Variants in RPS6KC1 observed in about 807,000 individuals in gnomAD.
RPS6KC1 encodes ribosomal protein S6 kinase C1, also known as inactive ribosomal protein S6 kinase delta-1.
A neutral mutation model predicts 103.8 loss-of-function variants in RPS6KC1; 54 were observed. That is an observed-to-expected ratio of 0.52 (90% CI 0.42 to 0.65). The LOEUF is 0.65. Among genes scored for constraint, RPS6KC1 ranks in the 30% least tolerant of loss-of-function variants. The pLI is 0.00. For missense variants in RPS6KC1, 1,151 were observed against 1,253.8 expected (o/e 0.92, Z 1.24); for synonymous variants, 439 against 438.7 (o/e 1.00, Z -0.01).
intron 3 of RPS6KC1, among the ~76,000 whole-genome samples, chr1:213,086,304 G>T (rs1028166933): frequency 1.3e-5 from 2 of 152,174 alleles, no homozygotes; most frequent in Non-Finnish European, 2.9e-5. Context: ...ACTGCCTGCG[G>T]CTCCTTGCCT....
the RPS6KC1 span, among the ~76,000 whole-genome samples, chr1:213,724,337 C>T: frequency 1.3e-5 from 2 of 152,214 alleles, no homozygotes; most frequent in East Asian, 3.9e-4. Flanking sequence ...GTCTTGGCCT[C>T]CCAAAGTGTT....
the RPS6KC1 span, among the ~76,000 whole-genome samples, chr1:213,411,966 C>G: frequency 6.6e-6 from 1 of 152,170 alleles, no homozygotes; most frequent in Admixed American, 6.5e-5. Context: ...CACAGTGTAT[C>G]ATATTGGCCT....
At chr1:213,173,522 T>A (rs1449523028) in intron 7 of RPS6KC1, among the ~76,000 whole-genome samples, 1 of 152,236 alleles carries the variant, frequency 6.6e-6, no homozygotes, top group Non-Finnish European at 1.5e-5. Flanking sequence ...TATTTTCCTC[T>A]GTTCTCCAAT....
chr1:213,599,740 C>T, the RPS6KC1 span, among the ~76,000 whole-genome samples: 2 of 152,256 alleles, frequency 1.3e-5, no homozygotes, highest in South Asian at 2.1e-4. Flanking sequence ...AATGTGGATT[C>T]GAAGGGCATG....
chr1:213,363,850 A>G, the RPS6KC1 span, among the ~76,000 whole-genome samples: 1 of 111,500 alleles, frequency 9.0e-6, no homozygotes, highest in Non-Finnish European at 1.7e-5. Flanking sequence ...TGGCGTGAGG[A>G]GATTGAGGGA....
chr1:213,659,037 T>C, the RPS6KC1 span, among the ~76,000 whole-genome samples: 5 of 152,080 alleles, frequency 3.3e-5, no homozygotes, highest in Non-Finnish European at 4.4e-5. Flanking sequence ...GGATCTCAGC[T>C]CACCGCAACC....
At chr1:213,536,518 A>C in the RPS6KC1 span, among the ~76,000 whole-genome samples, 1 of 152,214 alleles carries the variant, frequency 6.6e-6, no homozygotes, top group Non-Finnish European at 1.5e-5. Flanking sequence ...CTAGGACAAC[A>C]CCTGGGGTAT....
the RPS6KC1 span, among the ~76,000 whole-genome samples, chr1:213,348,236 A>T: frequency 6.6e-6 from 1 of 152,328 alleles, no homozygotes; most frequent in African/African-American, 2.4e-5. Flanking sequence ...AGCATCCCAG[A>T]TGATTGCAGT....
chr1:213,172,423 A>C lies in RPS6KC1; in HGVS notation c.952-3977A>C, dbSNP rs540418206. Among the ~76,000 whole-genome samples, 10 of 152,252 alleles carry C rather than the reference A, an allele frequency of 6.6e-5. No homozygotes were observed. In the East Asian group the frequency reaches 1.7e-3, roughly 26 times the overall value. On this transcript the variant is annotated intron_variant, in intron 7 of 14. Coordinates refer to ENST00000366960, the MANE Select transcript of RPS6KC1 (RefSeq NM_012424.6). ...AGCCTGGCCAACATGGTGAAACTGC[A>C]TCTCTACTAAAAATACAAAAAATAA...
At chr1:213,234,034 TG>T (rs1276086670) in intron 10 of RPS6KC1, among the ~76,000 whole-genome samples, 1 of 149,946 alleles carries the variant, frequency 6.7e-6, no homozygotes, top group Non-Finnish European at 1.5e-5. Context: ...TTTTTTTGGT[TG>T]GGGGGTAGTT....
intron 3 of RPS6KC1, among the ~76,000 whole-genome samples, chr1:213,099,890 G>A (rs1045605004): frequency 2.0e-5 from 3 of 152,100 alleles, no homozygotes; most frequent in East Asian, 3.9e-4. Flanking sequence ...CTATCAATGG[G>A]CACCTGGAAT....
the RPS6KC1 span, among the ~76,000 whole-genome samples, chr1:213,326,209 AAAAG>A: frequency 1.3e-5 from 2 of 152,224 alleles, no homozygotes; most frequent in Non-Finnish European, 2.9e-5. Context: ...AAGAGAAAAA[AAAAG>A]AAAAAAGAAA....
At chr1:213,560,608 T>G in the RPS6KC1 span, among the ~76,000 whole-genome samples, 1 of 152,208 alleles carries the variant, frequency 6.6e-6, no homozygotes. Flanking sequence ...TATTTTAATT[T>G]TAACCTTTGA....
the RPS6KC1 span, among the ~76,000 whole-genome samples, chr1:213,570,553 A>G: frequency 6.6e-6 from 1 of 152,104 alleles, no homozygotes; most frequent in Admixed American, 6.5e-5. Flanking sequence ...AGTTTTTTTA[A>G]TGCCCCCTAC....
the RPS6KC1 span, among the ~76,000 whole-genome samples, chr1:213,649,754 C>T: frequency 6.6e-6 from 1 of 152,132 alleles, no homozygotes; most frequent in Non-Finnish European, 1.5e-5. Flanking sequence ...TTATACCTGC[C>T]TTCCTAGTAC....
the RPS6KC1 span, among the ~76,000 whole-genome samples, chr1:213,706,648 A>G: frequency 2.0e-5 from 3 of 152,216 alleles, no homozygotes; most frequent in South Asian, 2.1e-4. Flanking sequence ...TGCTGCACCC[A>G]TCAACCCATC....
chr1:213,528,291 G>T, the RPS6KC1 span, among the ~76,000 whole-genome samples: 3 of 152,134 alleles, frequency 2.0e-5, no homozygotes, highest in Admixed American at 1.3e-4. Context: ...AAGAAGTGCC[G>T]AGCAAAGGGG....
intron 8 of RPS6KC1, among the ~76,000 whole-genome samples, chr1:213,229,190 A>ATT (rs1200562339): frequency 6.6e-6 from 1 of 152,144 alleles, no homozygotes; most frequent in Non-Finnish European, 1.5e-5. Context: ...AACAGAAGAC[A>ATT]AAGATGAAGT....
chr1:213,716,643 A>G, the RPS6KC1 span, among the ~76,000 whole-genome samples: 3 of 152,182 alleles, frequency 2.0e-5, no homozygotes, highest in African/African-American at 7.2e-5. Context: ...ACAGCTCATA[A>G]TTTGTACTTC....
Sources: gnomAD v4.1 joint callset for allele counts (sites outside exome capture counted in the v4.1 genomes callset) on GRCh38, gnomAD v4.1.1 for gene constraint, MANE v1.5 for transcripts, NCBI Gene and HGNC (gene_info 2026-07-23, HGNC 2026-07-21) for gene names.